CPED1: variants seen among roughly 807,000 people sequenced by gnomAD.
The protein encoded by CPED1 is cadherin-like and PC-esterase domain-containing protein 1.
CPED1 carries 114 observed loss-of-function variants against 128.2 expected under a neutral mutation model. The ratio of observed to expected loss-of-function variants is 0.89; its 90% confidence interval spans 0.76 to 1.04. CPED1 has a LOEUF of 1.04. Among genes scored for constraint, CPED1 ranks in the 50% least tolerant of loss-of-function variants. CPED1 has a pLI of 0.00. For synonymous variants in CPED1, 462 were observed against 426.7 expected (o/e 1.08, Z -1.02); for missense variants, 1,211 against 1,207.1 (o/e 1.00, Z -0.05).
At chr7:121,063,791 T>C (rs1793748543) in intron 4 of CPED1, among the ~76,000 whole-genome samples, 2 of 151,118 alleles carry the variant, frequency 1.3e-5, no homozygotes, top group Admixed American at 6.6e-5. Flanking sequence ...AAACAAGTTT[T>C]GGTTGAAGTG....
At chr7:121,270,767 G>T (rs1161804788) in intron 21 of CPED1, among the ~76,000 whole-genome samples, 2 of 151,906 alleles carry the variant, frequency 1.3e-5, no homozygotes, top group African/African-American at 2.4e-5. Context: ...ATGCTGTTTT[G>T]GTTACTGTAG....
At chr7:121,067,562 C>T (rs1213590704) in intron 5 of CPED1, among the ~76,000 whole-genome samples, 9 of 152,130 alleles carry the variant, frequency 5.9e-5, no homozygotes, top group Admixed American at 2.0e-4. Context: ...TGAATAGTGC[C>T]GCAAAAAACA....
chr7:121,155,832 A>G lies in CPED1; in HGVS notation c.2055+13691A>G, dbSNP rs529394507. On this transcript the variant is annotated intron_variant, in intron 16 of 22. Transcript: ENST00000310396. ...GTATAAGACCTTAAAACCCCAGACA[A>G]CCAAAGCAAAATTAGACAATCAGGA... is the stretch of plus-strand genomic sequence containing the variant. Among the ~76,000 whole-genome samples the G allele has an allele frequency of 4.6e-5, 7 of 152,276 alleles. No homozygotes were observed. In the South Asian group the frequency reaches 1.4e-3, roughly 32 times the overall value.
chr7:121,259,366 T>A (rs1391166610), intron 18 of CPED1, among the ~76,000 whole-genome samples: 1 of 152,052 alleles, frequency 6.6e-6, no homozygotes, highest in African/African-American at 2.4e-5. Flanking sequence ...GGAACAAGTT[T>A]TCCCCCTCTG....
At chr7:121,263,259 G>A (rs1301075443) in intron 18 of CPED1, among the ~76,000 whole-genome samples, 1 of 152,018 alleles carries the variant, frequency 6.6e-6, no homozygotes, top group African/African-American at 2.4e-5. Flanking sequence ...TTCCAGCCAT[G>A]CTTCAAGTCC....
intron 17 of CPED1, 98 bp from the exon 18 acceptor site, chr7:121,244,104 A>G: frequency 2.1e-6 from 3 of 1,395,878 alleles, no homozygotes; most frequent in South Asian, 2.3e-5. Context: ...TGGTCTTACT[A>G]TAATTTCTGA....
chr7:121,098,731 A>AATACTCAAATATAT (rs1794758156), intron 6 of CPED1, among the ~76,000 whole-genome samples: 1 of 25,520 alleles, frequency 3.9e-5, no homozygotes, highest in Non-Finnish European at 9.1e-5. Flanking sequence ...CCTTGTCTCA[A>AATACTCAAATATAT]ATATATATAT....
chr7:121,283,618 C>T (rs534441759), intron 22 of CPED1, among the ~76,000 whole-genome samples: 37 of 152,316 alleles, frequency 2.4e-4, no homozygotes, highest in African/African-American at 7.2e-4. Flanking sequence ...CATGTTGGAA[C>T]TGTAACTCTG....
At chr7:121,107,178 T>C (rs1794997940) in intron 7 of CPED1, among the ~76,000 whole-genome samples, 1 of 152,100 alleles carries the variant, frequency 6.6e-6, no homozygotes, top group Non-Finnish European at 1.5e-5. Context: ...CCTGCAATCT[T>C]CCTAAATGTT....
At chr7:121,141,559 A>G (rs1426222346) in intron 15 of CPED1, among the ~76,000 whole-genome samples, 2 of 152,044 alleles carry the variant, frequency 1.3e-5, no homozygotes, top group Non-Finnish European at 2.9e-5. Context: ...CACGTCTAGT[A>G]GAAAGAAAAG....
At chr7:121,287,298 C>T (rs938195099) in intron 22 of CPED1, among the ~76,000 whole-genome samples, 1 of 152,152 alleles carries the variant, frequency 6.6e-6, no homozygotes, top group Admixed American at 6.5e-5. Context: ...CACACACTCA[C>T]ACACTCATAC....
At chr7:121,039,606 T>C (rs1226763482) in intron 3 of CPED1, among the ~76,000 whole-genome samples, 1 of 151,950 alleles carries the variant, frequency 6.6e-6, no homozygotes, top group African/African-American at 2.4e-5. Flanking sequence ...GTAATGAGAG[T>C]GTTGTCCCAG....
intron 4 of CPED1, among the ~76,000 whole-genome samples, chr7:121,060,969 C>T (rs1435808615): frequency 1.3e-5 from 2 of 151,744 alleles, no homozygotes; most frequent in Non-Finnish European, 2.9e-5. Flanking sequence ...CAACTCCAGA[C>T]GCGCCACCTT....
rs1259068130 is a variant in CPED1, at chr7:121,142,126, A to G, written c.2040A>G (p.Ala680=). Residue 680 remains alanine, a synonymous_variant, in exon 16 of 23, where the codon GCA becomes GCG. Transcript: ENST00000310396. ...TGCCCTTGTTTGAGGCCTTCACAGCATGTGGTTTTGTGCAGGTAAGTGAAG... is the reference window on the plus strand; with the variant it reads ...TGCCCTTGTTTGAGGCCTTCACAGCGTGTGGTTTTGTGCAGGTAAGTGAAG... The part of the protein sequence containing the change: ...PSLPLFEAFT[A]CGFVQDCGLL... The G allele has an allele frequency of 4.3e-6, 7 of 1,610,736 alleles. No individual in the cohort carries two copies. Among genetic ancestry groups the G allele is most frequent in the Non-Finnish European group, 5.9e-6 (7 of 1,177,760 alleles).
intron 7 of CPED1, among the ~76,000 whole-genome samples, chr7:121,116,501 A>G (rs1795236371): frequency 6.6e-6 from 1 of 152,144 alleles, no homozygotes. Context: ...TCCAAAAGGT[A>G]ATTAGGCTAC....
At chr7:121,258,429 G>T (rs1791939599) in intron 18 of CPED1, among the ~76,000 whole-genome samples, 1 of 152,100 alleles carries the variant, frequency 6.6e-6, no homozygotes, top group African/African-American at 2.4e-5. Flanking sequence ...ATCTAGAAAA[G>T]TTGCCAGAAG....
chr7:121,158,752 A>G (rs1796347095), intron 16 of CPED1, among the ~76,000 whole-genome samples: 1 of 152,170 alleles, frequency 6.6e-6, no homozygotes, highest in African/African-American at 2.4e-5. Context: ...TTCTCTGCAT[A>G]ACAATAATAC....
chr7:121,084,042 T>G (rs1352154274), intron 5 of CPED1, among the ~76,000 whole-genome samples: 1 of 152,202 alleles, frequency 6.6e-6, no homozygotes, highest in South Asian at 2.1e-4. Context: ...GAGACTCATG[T>G]TTTTAAGACT....
chr7:121,129,128 T>C (rs1197801813), intron 11 of CPED1, among the ~76,000 whole-genome samples: 1 of 151,438 alleles, frequency 6.6e-6, no homozygotes, highest in Non-Finnish European at 1.5e-5. Context: ...CTGATACTTA[T>C]ATAGACTGAA....
Sources: gnomAD v4.1 joint callset for allele counts (sites outside exome capture counted in the v4.1 genomes callset) on GRCh38, gnomAD v4.1.1 for gene constraint, MANE v1.5 for transcripts, NCBI Gene and HGNC (gene_info 2026-07-23, HGNC 2026-07-21) for gene names.